Variants in PUSL1 observed in about 807,000 individuals in gnomAD.
PUSL1 encodes the protein tRNA pseudouridine synthase-like 1.
A neutral mutation model predicts 30.7 loss-of-function variants in PUSL1; 51 were observed. That is an observed-to-expected ratio of 1.66 (90% CI 1.33 to 2.10). PUSL1 has a LOEUF of 2.10. Ranked by LOEUF, PUSL1 falls within the 30% of genes most tolerant of loss-of-function variation. The pLI, the probability that PUSL1 is intolerant of heterozygous loss-of-function variation, is 0.00. For synonymous variants in PUSL1, 290 were observed against 192.1 expected, an observed-to-expected ratio of 1.51 and a Z score of -4.21; for missense variants, 609 against 427.6, an observed-to-expected ratio of 1.42 and a Z score of -3.74.
Position 1,309,943 on chromosome 1 carries a change from C to G in PUSL1, c.644+92C>G, listed in dbSNP as rs990205638. ...CCCCCAGTTTTAAGGCAAGGTGAGG[C>G]GGGAGGCAGGCAGCCGGGAGTCCTC... On this transcript the variant is annotated intron_variant, in intron 5 of 7. Coordinates refer to ENST00000379031, the MANE Select transcript of PUSL1 (RefSeq NM_153339.3). The G allele has an allele frequency of 3.7e-6, 4 of 1,094,322 alleles. No homozygotes were observed. The African/African-American group carries it at 6.4e-5, about 18-fold the overall frequency. The allele number at this position is 1,094,322 out of a possible 1,614,324, so 67.8% of individuals were successfully genotyped here. A position where few individuals can be genotyped will look rare whatever the true frequency, so the allele number is the denominator to read the frequency against.
chr1:1,311,543 G>A lies in PUSL1; in HGVS notation c.*164G>A, dbSNP rs769145058. 5.8e-5 allele frequency: 45 copies of A among 773,510 alleles called. No homozygotes were observed. Among genetic ancestry groups the A allele is most frequent in the Non-Finnish European group, 8.9e-5 (40 of 449,982 alleles). 47.9% of individuals were successfully genotyped at this position (773,510 alleles called of 1,614,324 possible). ...CTGGATGCCCGTCTCTGTCCCAGGC[G>A]GGATGGGGCACAGTGCAGGACACAG... On this transcript the variant is annotated 3_prime_UTR_variant, in exon 8 of 8. Coordinates refer to ENST00000379031, the MANE Select transcript of PUSL1 (RefSeq NM_153339.3).
rs773683958 is a variant in PUSL1 at position 1,310,976 on chromosome 1, C to T, written c.767C>T (p.Thr256Met). The T allele has an allele frequency of 5.3e-5, 85 of 1,610,030 alleles. No homozygotes were observed. The Admixed American group carries it at 8.0e-4, about 15-fold the overall frequency. ...LGALAPAQVKTILESQDPLGK... is the reference protein window; with the variant it reads ...LGALAPAQVKMILESQDPLGK... ...GCTTTGGCACCTGCCCAGGTGAAGA[C>T]GATTCTGGAGAGCCAAGATCCCCTG... is the stretch of plus-strand genomic sequence containing the variant. The change falls in exon 7 of 8, where the codon ACG (threonine) becomes ATG (methionine). Residue 256 changes from threonine to methionine, a missense_variant. Thr to Met is a moderately conservative substitution (Grantham distance 81, BLOSUM62 -1). Transcript: ENST00000379031.
rs1381985066 is a variant in PUSL1, at chr1:1,311,339, C to T, written c.872C>T (p.Ser291Phe). ...SVLYGNLGAA[S>F]CTLQGPQFGS... ...TCTGGTCCGTCCACAGGTGCTGCCTCCTGCACCCTGCAGGGGCCACAGTTC... is the reference window on the plus strand; with the variant it reads ...TCTGGTCCGTCCACAGGTGCTGCCTTCTGCACCCTGCAGGGGCCACAGTTC... Residue 291 changes from serine (S) to phenylalanine (F), a missense_variant, in exon 8 of 8, where the codon TCC (serine) becomes TTC (phenylalanine). Ser to Phe is a radical substitution (Grantham distance 155, BLOSUM62 -2). Coordinates refer to ENST00000379031, the MANE Select transcript of PUSL1 (RefSeq NM_153339.3). 9 of 1,586,076 alleles carry T rather than the reference C, an allele frequency of 5.7e-6. No homozygotes were observed. The highest frequency in any genetic ancestry group is 7.7e-6 in the Non-Finnish European group (9 of 1,164,374).
chr1:1,311,450 A>T lies in PUSL1; in HGVS notation c.*71A>T. On this transcript the variant is annotated 3_prime_UTR_variant, in exon 8 of 8. Transcript: ENST00000379031. Reference sequence around the variant, plus strand: ...GTGCTGGTCAAGCCAGGGCAGTCACAGCTGCTTGGGGCCCACAGCACTGCT... The same window carrying T: ...GTGCTGGTCAAGCCAGGGCAGTCACTGCTGCTTGGGGCCCACAGCACTGCT... 1 of 1,487,482 alleles carries T rather than the reference A, an allele frequency of 6.7e-7. No individual in the cohort carries two copies. Among genetic ancestry groups the T allele is most frequent in the South Asian group, 1.2e-5 (1 of 83,882 alleles). The allele number at this position is 1,487,482 out of a possible 1,614,324, so 92.1% of individuals were successfully genotyped here.
At chr1:1,309,330 G>C (rs1437447668) in intron 3 of PUSL1, 57 bp downstream of exon 3, 1 of 1,447,238 alleles carries the variant, frequency 6.9e-7, no homozygotes. Flanking sequence ...CATCTGTCGC[G>C]GGCGGAGGCT....
rs756177938 is a variant in PUSL1, at chr1:1,311,669, C to T, written c.*290C>T. 21 of 719,768 alleles carry T rather than the reference C, an allele frequency of 2.9e-5. No individual in the cohort carries two copies. Among genetic ancestry groups the T allele is most frequent in the Non-Finnish European group, 4.7e-5 (19 of 408,370 alleles). The allele number at this position is 719,768 out of a possible 1,614,324, so 44.6% of individuals were successfully genotyped here. On this transcript the variant is annotated 3_prime_UTR_variant, in exon 8 of 8. Transcript: ENST00000379031. ...GCCCTAACCAGGAATAAAGGCAAGA[C>T]AGCCTGGAGACCAGTTTGTTTCTTC...
chr1:1,309,392 G>C, intron 3 of PUSL1, 62 bp from the exon 4 acceptor site: 1 of 1,518,430 alleles, frequency 6.6e-7, no homozygotes. Flanking sequence ...GGGAAGGAGA[G>C]CCAATGTGAC....
Position 1,309,160 on chromosome 1 carries a change from C to T in PUSL1, c.210C>T (p.His70=). 3 of 1,536,484 alleles carry T rather than the reference C, an allele frequency of 2.0e-6. No homozygotes were observed. Among genetic ancestry groups the T allele is most frequent in the African/African-American group, 1.4e-5 (1 of 72,508 alleles). Residue 70 remains histidine (H), a synonymous_variant, in exon 3 of 8, where the codon CAC becomes CAT. Transcript: ENST00000379031. The part of the protein sequence containing the change: ...TISSRTDAGV[H]ALSNAAHLDV... ...CCAGCCGCACGGACGCCGGGGTCCA[C>T]GCCCTGAGCAACGCGGCGCACCTGG...
chr1:1,309,042 G>T (rs985558306), intron 2 of PUSL1, 44 bp from the exon 3 acceptor site: 2 of 1,396,644 alleles, frequency 1.4e-6, no homozygotes, highest in East Asian at 3.0e-5. Context: ...CGTCCCCGGG[G>T]TCCGGCCTCG....
At position 1,309,531 on chromosome 1, in the gene PUSL1, T is replaced by TGGC; in HGVS notation, c.402_404dup (p.Ala135dup). ...ACGTCCCGGACCTACCTGTACCGCC[T>TGGC]GGCCACTGGCTGTCACCGGCGTGAT... On this transcript the variant is annotated inframe_insertion, in exon 4 of 8. Coordinates refer to ENST00000379031, the MANE Select transcript of PUSL1 (RefSeq NM_153339.3). The TGGC allele has an allele frequency of 6.2e-7, 1 of 1,611,764 alleles. No homozygotes were observed. The highest frequency in any genetic ancestry group is 8.5e-7 in the Non-Finnish European group (1 of 1,179,586).
At chr1:1,310,724 G>C (rs774264799) in intron 6 of PUSL1, 36 bp downstream of exon 6, 22 of 1,612,640 alleles carry the variant, frequency 1.4e-5, no homozygotes, top group Non-Finnish European at 1.8e-5. Context: ...CAGGGGGTGG[G>C]GCTGAGGGTG....
In PUSL1 at chr1:1,309,199, C is replaced by T; in HGVS notation, c.249C>T (p.Arg83=). Residue 83 remains arginine (R), a synonymous_variant, in exon 3 of 8, where the codon CGC becomes CGT. Transcript: ENST00000379031. The part of the protein sequence containing the change: ...SNAAHLDVQR[R]SGRPPFPPEV... The stretch of plus-strand genomic sequence containing the variant: ...CGGCGCACCTGGACGTCCAGCGCCG[C>T]TCAGGCCGGCCGCCCTTCCCGCCCG... 3 of 1,532,308 alleles carry T rather than the reference C, an allele frequency of 2.0e-6. No homozygotes were observed. The highest frequency in any genetic ancestry group is 2.6e-6 in the Non-Finnish European group (3 of 1,148,454). The allele number at this position is 1,532,308 out of a possible 1,614,324, so 94.9% of individuals were successfully genotyped here.
intron 1 of PUSL1, 66 bp downstream of exon 1, chr1:1,308,786 G>A: frequency 1.4e-6 from 2 of 1,450,254 alleles, no homozygotes; most frequent in East Asian, 2.9e-5. Context: ...GGAGGGCGCG[G>A]GCGGGCAGGC....
At chr1:1,310,140 G>C in intron 5 of PUSL1, 1 of 452,610 alleles carries the variant, frequency 2.2e-6, no homozygotes. Flanking sequence ...TGGTGCCAGT[G>C]GTTCTGGTGG....
Position 1,308,827 on chromosome 1 carries a change from CG to C in PUSL1, c.78-84del, listed in dbSNP as rs1641917214. The C allele has an allele frequency of 7.1e-5, 102 of 1,440,752 alleles. No homozygotes were observed. The East Asian group carries it at 3.1e-3, about 43-fold the overall frequency. 89.2% of individuals were successfully genotyped at this position (1,440,752 alleles called of 1,614,324 possible). A position where few individuals can be genotyped will look rare whatever the true frequency, so the allele number is the denominator to read the frequency against. On this transcript the variant is annotated intron_variant, in intron 1 of 7. Coordinates refer to ENST00000379031, the MANE Select transcript of PUSL1 (RefSeq NM_153339.3). ...TCTCTGGACGCGGGTTCCAAACGTT[CG>C]GGGAAGGAAGCGGCCCTGGCCTCAG...
chr1:1,311,512 AG>A lies in PUSL1; in HGVS notation c.*134del, dbSNP rs1245210400. On this transcript the variant is annotated 3_prime_UTR_variant, in exon 8 of 8. Coordinates refer to ENST00000379031, the MANE Select transcript of PUSL1 (RefSeq NM_153339.3). Reference sequence around the variant, plus strand: ...ACAGTAGCCTCCCTGCCCGGGTCCCAGCACCCTGGATGCCCGTCTCTGTCCC... The same window carrying A: ...ACAGTAGCCTCCCTGCCCGGGTCCCACACCCTGGATGCCCGTCTCTGTCCC... 6.6e-5 allele frequency: 63 copies of A among 948,968 alleles called. No homozygotes were observed. Among genetic ancestry groups the A allele is most frequent in the Non-Finnish European group, 1.0e-4 (61 of 609,592 alleles). The allele number at this position is 948,968 out of a possible 1,614,324, so 58.8% of individuals were successfully genotyped here.
In PUSL1 at chr1:1,309,604, G is replaced by C. The variant is rs749429400; in HGVS notation, c.473+1G>C. ...ACCTATGCTGGACTCTCCCGGCAGA[G>C]TGAGTGTGGCCCTGACAGCGGGGAG... On this transcript the variant is annotated splice_donor_variant, in intron 4 of 7. Transcript: ENST00000379031. LOFTEE classifies it high-confidence loss of function. The C allele has an allele frequency of 6.2e-7, 1 of 1,609,486 alleles. No homozygotes were observed. Among genetic ancestry groups the C allele is most frequent in the Non-Finnish European group, 8.5e-7 (1 of 1,177,722 alleles).
rs1325241334 is a variant in PUSL1 at position 1,310,667 on chromosome 1, C to T, written c.678C>T (p.Ser226=). ...KLRFWNLEFE[S]QSFLYRQVRR... is the part of the protein sequence containing the mutation. ...GGTTCTGGAACCTGGAGTTTGAGAG[C>T]CAGTCTTTCCTGTATAGACAGGTAG... The change falls in exon 6 of 8, where the codon AGC becomes AGT. Residue 226 remains serine (S), a synonymous_variant. Transcript: ENST00000379031. 2.5e-6 allele frequency: 4 copies of T among 1,587,532 alleles called. No homozygotes were observed. The highest frequency in any genetic ancestry group is 3.4e-6 in the Non-Finnish European group (4 of 1,162,838).
chr1:1,309,961 G>C, intron 5 of PUSL1, 110 bp downstream of exon 5: 1 of 862,402 alleles, frequency 1.2e-6, no homozygotes, highest in Non-Finnish European at 1.8e-6. Flanking sequence ...AGGCAGCCGG[G>C]AGTCCTCAGG....
Sources: allele counts gnomAD v4.1 joint callset, GRCh38; gene constraint gnomAD v4.1.1; transcripts MANE v1.5; gene names NCBI Gene and HGNC (gene_info 2026-07-23, HGNC 2026-07-21).